Variants in ZNF385D observed in about 807,000 individuals in gnomAD.
ZNF385D encodes zinc finger protein 385D, also known as zinc finger protein 659.
Under a neutral mutation model 35.8 loss-of-function variants are expected in ZNF385D, and 15 were observed. The observed-to-expected ratio is 0.42, with a 90% CI of 0.28 to 0.64. The LOEUF (loss-of-function observed/expected upper bound fraction) is 0.64, where lower values mean the gene tolerates loss of function less well. Ranked by LOEUF, ZNF385D falls within the 30% of genes least tolerant of loss-of-function variation. The pLI, the probability that ZNF385D is intolerant of heterozygous loss-of-function variation, is 0.23. For synonymous variants in ZNF385D, 212 were observed against 186.8 expected (o/e 1.13, Z -1.10); for missense variants, 474 against 494.6 (o/e 0.96, Z 0.39).
chr3:21,891,453 T>C (rs1471555363), intron 3 of ZNF385D, among the ~76,000 whole-genome samples: 1 of 152,218 alleles, frequency 6.6e-6, no homozygotes, highest in Non-Finnish European at 1.5e-5. Context: ...CTGTTGGTTT[T>C]CTGAATGGCC....
chr3:21,430,224 C>A (rs17008688), intron 5 of ZNF385D, among the ~76,000 whole-genome samples: 1 of 151,508 alleles, frequency 6.6e-6, no homozygotes, highest in Admixed American at 6.6e-5. Context: ...ATCAGGTGAC[C>A]AAATATTGCC....
chr3:22,287,571 C>T (rs1302344531), intron 2 of ZNF385D, among the ~76,000 whole-genome samples: 1 of 151,790 alleles, frequency 6.6e-6, no homozygotes, highest in Non-Finnish European at 1.5e-5. Context: ...CAAAAAGCAC[C>T]TCATATTTAT....
intron 3 of ZNF385D, among the ~76,000 whole-genome samples, chr3:21,925,755 G>C (rs1040479530): frequency 2.0e-5 from 3 of 151,934 alleles, no homozygotes; most frequent in Non-Finnish European, 2.9e-5. Context: ...AGAATATATA[G>C]TCCAATGAAC....
At chr3:21,840,313 T>C (rs976627224) in intron 3 of ZNF385D, among the ~76,000 whole-genome samples, 1 of 152,026 alleles carries the variant, frequency 6.6e-6, no homozygotes, top group Admixed American at 6.6e-5. Context: ...AGACCTAAAA[T>C]TAAAACAGAA....
intron 2 of ZNF385D, among the ~76,000 whole-genome samples, chr3:22,367,765 T>C (rs186815961): frequency 6.6e-6 from 1 of 152,280 alleles, no homozygotes; most frequent in African/African-American, 2.4e-5. Flanking sequence ...TCTCTTCTAT[T>C]ATACAAATTG....
intron 2 of ZNF385D, among the ~76,000 whole-genome samples, chr3:22,178,505 CA>C (rs1694989738): frequency 6.6e-6 from 1 of 152,104 alleles, no homozygotes; most frequent in Non-Finnish European, 1.5e-5. Context: ...GAGTAGATTG[CA>C]AAAATTTTTC....
chr3:22,340,031 A>G (rs1488182920), intron 2 of ZNF385D, among the ~76,000 whole-genome samples: 1 of 152,198 alleles, frequency 6.6e-6, no homozygotes, highest in Non-Finnish European at 1.5e-5. Context: ...TCTTTGCTTC[A>G]TAAAACTCAG....
chr3:22,066,397 G>T (rs1228845216), intron 3 of ZNF385D, among the ~76,000 whole-genome samples: 1 of 149,050 alleles, frequency 6.7e-6, no homozygotes, highest in Non-Finnish European at 1.5e-5. Context: ...GATACTGGGT[G>T]AGATGGTTCC....
intron 3 of ZNF385D, among the ~76,000 whole-genome samples, chr3:21,939,537 C>A (rs1345227772): frequency 1.3e-5 from 2 of 151,914 alleles, no homozygotes; most frequent in Non-Finnish European, 2.9e-5. Context: ...TATTTTAAAA[C>A]AATAATCATT....
At chr3:22,248,451 T>A (rs1699902470) in intron 2 of ZNF385D, among the ~76,000 whole-genome samples, 1 of 152,192 alleles carries the variant, frequency 6.6e-6, no homozygotes, top group African/African-American at 2.4e-5. Flanking sequence ...TAAAGAGCTA[T>A]AGAGTGAGGC....
chr3:22,253,882 ATAAAG>A (rs1217161210), intron 2 of ZNF385D, among the ~76,000 whole-genome samples: 1 of 152,026 alleles, frequency 6.6e-6, no homozygotes, highest in Non-Finnish European at 1.5e-5. Flanking sequence ...CCATGGGAAA[ATAAAG>A]TATTCAATCT....
intron 3 of ZNF385D, among the ~76,000 whole-genome samples, chr3:22,003,452 T>G (rs993441201): frequency 6.6e-6 from 1 of 152,174 alleles, no homozygotes; most frequent in Non-Finnish European, 1.5e-5. Flanking sequence ...AAAGACATCT[T>G]ATGCTCATGG....
chr3:21,570,083 C>T (rs1219382967), intron 2 of ZNF385D, among the ~76,000 whole-genome samples: 3 of 150,684 alleles, frequency 2.0e-5, no homozygotes, highest in South Asian at 2.1e-4. Context: ...AAAAATTACA[C>T]CTTAAAAAAA....
chr3:21,709,038 A>G (rs1021707525), intron 1 of ZNF385D, among the ~76,000 whole-genome samples: 1 of 152,154 alleles, frequency 6.6e-6, no homozygotes, highest in Non-Finnish European at 1.5e-5. Context: ...GTAGATTGGA[A>G]CTTAGGTTGT....
intron 1 of ZNF385D, among the ~76,000 whole-genome samples, chr3:21,666,296 G>C (rs574183570): frequency 1.3e-5 from 2 of 152,264 alleles, no homozygotes; most frequent in South Asian, 2.1e-4. Context: ...AGATGACTTA[G>C]TACCTATAAC....
intron 2 of ZNF385D, among the ~76,000 whole-genome samples, chr3:22,253,835 GAAAC>G (rs139163174): frequency 0.31 from 46,990 of 151,344 alleles, 7,475 homozygotes; most frequent in Non-Finnish European, 0.34. Context: ...GAAAAATCCA[GAAAC>G]AAACAAAACA....
At chr3:22,361,384 T>C (rs1254730149) in intron 2 of ZNF385D, among the ~76,000 whole-genome samples, 3 of 152,068 alleles carry the variant, frequency 2.0e-5, no homozygotes, top group Non-Finnish European at 4.4e-5. Flanking sequence ...GCCTAATCAA[T>C]TTAGAAACTT....
rs1296444298 is a variant in ZNF385D at position 21,812,375 on chromosome 3, T to G, written c.326-147347A>C. On this transcript the variant is annotated intron_variant, in intron 3 of 5. Transcript: ENST00000494108. ...TGGACAGTGGGGGCAGCCCATGGAG[T>G]GTGAGCTGAAGCAGGGCGGGGCACC... Among the ~76,000 whole-genome samples, 30 of 151,986 alleles carry G rather than the reference T, an allele frequency of 2.0e-4. 1 individual carries two copies. Among genetic ancestry groups the G allele is most frequent in the Admixed American group, 2.0e-3 (30 of 15,270 alleles).
chr3:21,975,724 T>C (rs202243032), intron 3 of ZNF385D, among the ~76,000 whole-genome samples: 4 of 22,422 alleles, frequency 1.8e-4, no homozygotes, highest in South Asian at 3.7e-3. Flanking sequence ...TATATATATA[T>C]ATATATATAT....
Sources: gnomAD v4.1 joint callset for allele counts (sites outside exome capture counted in the v4.1 genomes callset) on GRCh38, gnomAD v4.1.1 for gene constraint, MANE v1.5 for transcripts, NCBI Gene and HGNC (gene_info 2026-07-23, HGNC 2026-07-21) for gene names.